The following NFATC2 variants were observed in gnomAD, a reference collection of about 807,000 sequenced individuals.
NFATC2 encodes the protein nuclear factor of activated T-cells, cytoplasmic 2.
Under a neutral mutation model 87.3 loss-of-function variants are expected in NFATC2, and 22 were observed. The observed-to-expected ratio is 0.25, with a 90% confidence interval of 0.18 to 0.36. NFATC2 has a LOEUF of 0.36. Among genes scored for constraint, NFATC2 ranks in the 10% least tolerant of loss-of-function variants. NFATC2 has a pLI of 1.00. For missense variants in NFATC2, 1,149 were observed against 1,259.1 expected, an observed-to-expected ratio of 0.91 and a Z score of 1.32; for synonymous variants, 565 against 542.2, an observed-to-expected ratio of 1.04 and a Z score of -0.58.
At chr20:51,515,029 G>A (rs964632037) in intron 3 of NFATC2, among the ~76,000 whole-genome samples, 2 of 152,208 alleles carry the variant, frequency 1.3e-5, no homozygotes, top group Non-Finnish European at 2.9e-5. Flanking sequence ...CGTGCAGGAA[G>A]TAGCATCTGA....
At chr20:51,435,635 A>G (rs1983447272) in intron 7 of NFATC2, 71 bp downstream of exon 7, 4 of 1,499,028 alleles carry the variant, frequency 2.7e-6, no homozygotes. Context: ...GAAGGAGGGA[A>G]AGAAGGAAAG....
At chr20:51,550,632 T>G (rs2076925200) in intron 1 of NFATC2, among the ~76,000 whole-genome samples, 1 of 152,146 alleles carries the variant, frequency 6.6e-6, no homozygotes, top group South Asian at 2.1e-4. Flanking sequence ...AGAAAATGCA[T>G]TTAATATGCT....
chr20:51,395,925 T>C (rs1017397080), intron 10 of NFATC2, among the ~76,000 whole-genome samples: 5 of 151,478 alleles, frequency 3.3e-5, no homozygotes, highest in African/African-American at 4.8e-5. Context: ...GCATAAAAGC[T>C]GCCATAGACA....
At chr20:51,542,250 C>A in intron 1 of NFATC2, 120 bp downstream of exon 1, 1 of 1,285,600 alleles carries the variant, frequency 7.8e-7, no homozygotes, top group East Asian at 3.0e-5. Context: ...GGTAGGGGCA[C>A]CCTCCCTCCA....
Position 51,523,573 on chromosome 20 carries a change from C to T in NFATC2, c.668G>A (p.Arg223Gln), listed in dbSNP as rs1348613961. Residue 223 changes from arginine (R) to glutamine (Q), a missense_variant, in exon 2 of 11, where the codon CGA becomes CAA. By Grantham distance (43) the Arg-to-Gln change is conservative. Transcript: ENST00000371564. This position sits in a 1 kb window ranked among gnomAD's most constrained non-coding sequence, Gnocchi z 6.9. ...SPRTSPIMSP[R>Q]TSLAEDSCLG... ...GCAGCTGTCCTCGGCGAGGCTGGTTCGAGGTGACATTATTGGCGAGGTTCT... is the reference window on the plus strand; with the variant it reads ...GCAGCTGTCCTCGGCGAGGCTGGTTTGAGGTGACATTATTGGCGAGGTTCT... The T allele has an allele frequency of 1.2e-6, 2 of 1,613,662 alleles. No homozygotes were observed. The highest frequency in any genetic ancestry group is 1.7e-6 in the Non-Finnish European group (2 of 1,179,792).
At chr20:51,511,697 C>T (rs1481369592) in intron 3 of NFATC2, among the ~76,000 whole-genome samples, 1 of 152,220 alleles carries the variant, frequency 6.6e-6, no homozygotes, top group Non-Finnish European at 1.5e-5. Flanking sequence ...GCTCCCACTG[C>T]CACCTTCTAG....
intron 3 of NFATC2, among the ~76,000 whole-genome samples, chr20:51,503,866 CAG>C (rs2076132503): frequency 6.6e-6 from 1 of 152,220 alleles, no homozygotes; most frequent in Non-Finnish European, 1.5e-5. Context: ...ATGTTTGAGA[CAG>C]AGTCTTGCTC....
At chr20:51,455,494 CTCAT>C (rs1190492838) in intron 5 of NFATC2, among the ~76,000 whole-genome samples, 3 of 151,804 alleles carry the variant, frequency 2.0e-5, no homozygotes, top group African/African-American at 7.3e-5. Flanking sequence ...GTCCCTCTCT[CTCAT>C]TCTCTGTCAC....
intron 1 of NFATC2, among the ~76,000 whole-genome samples, chr20:51,533,971 T>C (rs914102527): frequency 2.6e-5 from 4 of 152,234 alleles, no homozygotes; most frequent in African/African-American, 9.6e-5. Flanking sequence ...TGTCTCTTGC[T>C]GGTTTCAAGC....
intron 2 of NFATC2, among the ~76,000 whole-genome samples, chr20:51,518,089 T>C (rs530229940): frequency 6.6e-6 from 1 of 152,206 alleles, no homozygotes; most frequent in Non-Finnish European, 1.5e-5. Flanking sequence ...AGGGTAGAGA[T>C]CTTCCTCTTT....
intron 1 of NFATC2, among the ~76,000 whole-genome samples, chr20:51,530,603 G>A (rs1424602098): frequency 4.6e-5 from 7 of 152,138 alleles, no homozygotes; most frequent in Non-Finnish European, 7.4e-5. Flanking sequence ...GCCTGCATAC[G>A]AAGCATCAGT....
chr20:51,459,539 G>T (rs913943914), intron 5 of NFATC2, among the ~76,000 whole-genome samples: 7 of 152,136 alleles, frequency 4.6e-5, no homozygotes, highest in African/African-American at 1.7e-4. Flanking sequence ...CTAGCTGTGT[G>T]GCCTTCGAGT....
At chr20:51,541,725 G>A (rs2076820087) in intron 1 of NFATC2, among the ~76,000 whole-genome samples, 3 of 152,162 alleles carry the variant, frequency 2.0e-5, no homozygotes, top group Admixed American at 2.0e-4. Flanking sequence ...GATGGGTTCA[G>A]CAGCAGAACC....
At chr20:51,443,144 T>C (rs1467460684) in intron 6 of NFATC2, among the ~76,000 whole-genome samples, 1 of 148,156 alleles carries the variant, frequency 6.7e-6, no homozygotes, top group African/African-American at 2.6e-5. Flanking sequence ...CCCCTTCCCA[T>C]CCTTCAGGTG....
At chr20:51,452,010 A>T (rs1237869657) in intron 6 of NFATC2, among the ~76,000 whole-genome samples, 2 of 152,098 alleles carry the variant, frequency 1.3e-5, no homozygotes, top group Admixed American at 1.3e-4. Flanking sequence ...CATCTCCCCA[A>T]CCCTTGAAAA....
intron 9 of NFATC2, 71 bp from the exon 10 acceptor site, chr20:51,398,801 A>C: frequency 9.4e-7 from 1 of 1,058,718 alleles, no homozygotes; most frequent in East Asian, 2.4e-5. Context: ...TTACGCTTCC[A>C]ACTCATGCCG....
intron 9 of NFATC2, among the ~76,000 whole-genome samples, chr20:51,422,674 G>A (rs766369685): frequency 6.6e-6 from 1 of 151,166 alleles, no homozygotes. Flanking sequence ...GTTACTTGAA[G>A]GCAGCACACA....
At chr20:51,457,265 G>A (rs986103260) in intron 5 of NFATC2, among the ~76,000 whole-genome samples, 4 of 152,226 alleles carry the variant, frequency 2.6e-5, no homozygotes, top group Non-Finnish European at 4.4e-5. Context: ...GGGGCTTTTG[G>A]CCCCGGGGAT....
intron 6 of NFATC2, among the ~76,000 whole-genome samples, chr20:51,442,473 TA>T (rs1282181322): frequency 6.6e-6 from 1 of 151,998 alleles, no homozygotes; most frequent in African/African-American, 2.4e-5. Context: ...AAGCAGATTT[TA>T]AAAAAATGCT....
Sources: gnomAD v4.1 joint callset for allele counts (sites outside exome capture counted in the v4.1 genomes callset) on GRCh38, gnomAD v4.1.1 for gene constraint, Gnocchi (gnomAD v3.1) non-coding constraint, MANE v1.5 for transcripts, NCBI Gene and HGNC (gene_info 2026-07-23, HGNC 2026-07-21) for gene names.